Variants in PLA2G4C observed in about 807,000 individuals in gnomAD.
The protein encoded by PLA2G4C is cytosolic phospholipase A2 gamma.
A neutral mutation model predicts 73.8 loss-of-function variants in PLA2G4C; 64 were observed. The observed-to-expected ratio is 0.87, with a 90% CI of 0.71 to 1.07. The LOEUF is 1.07. Among genes scored for constraint, PLA2G4C ranks in the 50% least tolerant of loss-of-function variants. The probability of loss-of-function intolerance (pLI) is 0.00; values close to 1 mark genes in which losing one functional copy is unlikely to be tolerated. For missense variants in PLA2G4C, 622 were observed against 665.4 expected (o/e 0.93, Z 0.72); for synonymous variants, 254 against 252.1 (o/e 1.01, Z -0.07).
chr19:48,086,390 A>C (rs1359268014), intron 9 of PLA2G4C, among the ~76,000 whole-genome samples: 1 of 152,104 alleles, frequency 6.6e-6, no homozygotes, highest in Non-Finnish European at 1.5e-5. Flanking sequence ...AGGCAGAAAC[A>C]TTCCTCTCTG....
At chr19:48,061,160 T>G (rs1968153028) in intron 14 of PLA2G4C, among the ~76,000 whole-genome samples, 1 of 151,504 alleles carries the variant, frequency 6.6e-6, no homozygotes, top group Non-Finnish European at 1.5e-5. Flanking sequence ...TGGTGGTGTG[T>G]GCCTGCAGTC....
chr19:48,083,392 C>CTTTTTTTTTTTTTTTTTTTTTTTT, intron 10 of PLA2G4C, among the ~76,000 whole-genome samples: 1 of 105,832 alleles, frequency 9.4e-6, no homozygotes, highest in East Asian at 2.8e-4. Flanking sequence ...ATTTTCTTTT[C>CTTTTTTTTTTTTTTTTTTTTTTTT]TTTTTTTTTT....
At chr19:48,061,967 C>G in intron 14 of PLA2G4C, 31 bp downstream of exon 14, 1 of 1,611,222 alleles carries the variant, frequency 6.2e-7, no homozygotes, top group South Asian at 1.1e-5. Flanking sequence ...ACCTCCCACC[C>G]AGGACCGGCC....
At chr19:48,104,953 C>T (rs894092273) in intron 3 of PLA2G4C, among the ~76,000 whole-genome samples, 1 of 151,948 alleles carries the variant, frequency 6.6e-6, no homozygotes, top group African/African-American at 2.4e-5. Context: ...TGTGGTGGCA[C>T]ACACCTGTAA....
intron 11 of PLA2G4C, 55 bp downstream of exon 11, chr19:48,077,716 G>A: frequency 7.7e-7 from 1 of 1,305,926 alleles, no homozygotes; most frequent in East Asian, 2.5e-5. Context: ...CTGGCTTCAA[G>A]CCAGTGTGCA....
chr19:48,107,776 T>C (rs1301778086), intron 1 of PLA2G4C, among the ~76,000 whole-genome samples: 2 of 152,246 alleles, frequency 1.3e-5, no homozygotes, highest in African/African-American at 4.8e-5. Context: ...CCACTCTGTA[T>C]ACCTGGCTGC....
At chr19:48,055,706 T>C (rs1321652996) in intron 14 of PLA2G4C, among the ~76,000 whole-genome samples, 1 of 152,068 alleles carries the variant, frequency 6.6e-6, no homozygotes, top group Non-Finnish European at 1.5e-5. Flanking sequence ...AATGGCATGA[T>C]CTCAGCTCAC....
At chr19:48,071,058 A>T (rs1209396346) in intron 12 of PLA2G4C, among the ~76,000 whole-genome samples, 1 of 152,212 alleles carries the variant, frequency 6.6e-6, no homozygotes, top group Non-Finnish European at 1.5e-5. Context: ...ATAGATATAG[A>T]TGCATAGATT....
intron 6 of PLA2G4C, 42 bp from the exon 7 acceptor site, chr19:48,095,646 C>A (rs368076784): frequency 6.2e-7 from 1 of 1,607,282 alleles, no homozygotes; most frequent in Admixed American, 1.7e-5. Flanking sequence ...CAGCACAGAA[C>A]CAGGAATGTA....
At chr19:48,056,272 G>T (rs1967937324) in intron 14 of PLA2G4C, among the ~76,000 whole-genome samples, 1 of 152,154 alleles carries the variant, frequency 6.6e-6, no homozygotes, top group South Asian at 2.1e-4. Context: ...TGCGGGCCAG[G>T]CGTGGTGGCT....
At chr19:48,098,337 T>A in intron 5 of PLA2G4C, 78 bp from the exon 6 acceptor site, 2 of 1,157,326 alleles carry the variant, frequency 1.7e-6, no homozygotes, top group South Asian at 3.4e-5. Flanking sequence ...GTAGGCCACA[T>A]TTTTTTTTAG....
chr19:48,069,448 TC>T (rs1166287118), intron 12 of PLA2G4C, among the ~76,000 whole-genome samples: 1 of 152,132 alleles, frequency 6.6e-6, no homozygotes, highest in Non-Finnish European at 1.5e-5. Flanking sequence ...CAGGTCATTA[TC>T]CCAGACGCCT....
In PLA2G4C at chr19:48,067,874, T is replaced by A; in HGVS notation, c.1019A>T (p.Asn340Ile). The change falls in exon 13 of 17, where the codon AAC becomes ATC. Residue 340 changes from asparagine (N) to isoleucine (I), a missense_variant. Physicochemically the swap from Asn to Ile is moderately radical, Grantham distance 149 (BLOSUM62 -3). Transcript: ENST00000599921. ...EDPERKGSLS[N>I]LMDFVKKTGI... ...TGTTTTCTTCACAAAATCCATCAAGTTACTGAGTGAGCCTAGGGAAAGAAG... is the reference window on the plus strand; with the variant it reads ...TGTTTTCTTCACAAAATCCATCAAGATACTGAGTGAGCCTAGGGAAAGAAG... 1 of 1,612,940 alleles carries A rather than the reference T, an allele frequency of 6.2e-7. No homozygotes were observed.
At chr19:48,080,431 G>C (rs540903285) in intron 10 of PLA2G4C, among the ~76,000 whole-genome samples, 22 of 152,148 alleles carry the variant, frequency 1.4e-4, no homozygotes, top group Non-Finnish European at 3.2e-4. Flanking sequence ...AGAGTCCTCA[G>C]AGAACTAAAA....
chr19:48,094,088 G>A (rs1378765840), intron 7 of PLA2G4C, among the ~76,000 whole-genome samples: 1 of 152,084 alleles, frequency 6.6e-6, no homozygotes, highest in Non-Finnish European at 1.5e-5. Context: ...GACTAATACA[G>A]GGTCTCTGCA....
intron 11 of PLA2G4C, among the ~76,000 whole-genome samples, chr19:48,077,077 G>A (rs559064058): frequency 6.6e-6 from 1 of 152,308 alleles, no homozygotes; most frequent in African/African-American, 2.4e-5. Flanking sequence ...GTTTTGGGAA[G>A]TATTTTTCCT....
intron 11 of PLA2G4C, among the ~76,000 whole-genome samples, chr19:48,075,637 A>G (rs2030100694): frequency 6.6e-6 from 1 of 152,112 alleles, no homozygotes. Context: ...TCTACACTTC[A>G]ACCTTCACCG....
At chr19:48,099,097 C>A (rs1229089195) in intron 5 of PLA2G4C, among the ~76,000 whole-genome samples, 1 of 146,518 alleles carries the variant, frequency 6.8e-6, no homozygotes. Context: ...CCTGTCTCTA[C>A]AAAAAAAAAA....
chr19:48,057,900 A>G (rs1968018119), intron 14 of PLA2G4C, among the ~76,000 whole-genome samples: 1 of 151,674 alleles, frequency 6.6e-6, no homozygotes, highest in Non-Finnish European at 1.5e-5. Flanking sequence ...CAGTGGTGCA[A>G]TCATGGCTCA....
Sources: allele counts gnomAD v4.1 joint callset (sites outside exome capture counted in the v4.1 genomes callset), GRCh38; gene constraint gnomAD v4.1.1; transcripts MANE v1.5; gene names NCBI Gene and HGNC (gene_info 2026-07-23, HGNC 2026-07-21).